The following MAP2 variants were observed in gnomAD, a reference collection of about 807,000 sequenced individuals.
MAP2 encodes the protein microtubule associated protein 2.
In MAP2, 14 loss-of-function variants were observed where a neutral mutation model predicts 137.6. That is an observed-to-expected ratio of 0.10 (90% CI 0.07 to 0.16). The LOEUF (loss-of-function observed/expected upper bound fraction) is 0.16, where lower values mean the gene tolerates loss of function less well. MAP2 is among the 10% of genes least tolerant of loss of function. The pLI is 1.00. For synonymous variants in MAP2, 786 were observed against 782.3 expected, an observed-to-expected ratio of 1.00 and a Z score of -0.08; for missense variants, 2,088 against 2,191.5, an observed-to-expected ratio of 0.95 and a Z score of 0.94.
At chr2:209,503,759 T>C (rs2060685728) in intron 1 of MAP2, among the ~76,000 whole-genome samples, 1 of 152,134 alleles carries the variant, frequency 6.6e-6, no homozygotes, top group Non-Finnish European at 1.5e-5. Flanking sequence ...AAATCTGACA[T>C]AGAATTGGAA....
chr2:209,457,248 G>A (rs1263733936), intron 1 of MAP2, among the ~76,000 whole-genome samples: 3 of 152,174 alleles, frequency 2.0e-5, no homozygotes, highest in Non-Finnish European at 4.4e-5. Flanking sequence ...ATGAGCTTTT[G>A]CATAGATATT....
rs151026595 is a variant in MAP2, at chr2:209,669,791, G to GCA, written c.263-8766_263-8765dup. ...AACATGTGCATACACACACACACAC[G>GCA]CACACACACACACACAAAATTGCTT... On this transcript the variant is annotated intron_variant, in intron 5 of 15. Transcript: ENST00000682079. 3.1e-3 allele frequency among the ~76,000 whole-genome samples: 457 copies of GCA among 149,378 alleles called. 6 individuals carry two copies. Among genetic ancestry groups the GCA allele is most frequent in the Middle Eastern group, 0.021 (6 of 292 alleles).
In MAP2 at chr2:209,693,092, C is replaced by G. The variant is rs1223927595; in HGVS notation, c.922C>G (p.Gln308Glu). Residue 308 changes from glutamine to glutamate, a missense_variant, in exon 8 of 16, where the codon CAG becomes GAG. By Grantham distance (29) the Gln-to-Glu change is conservative (BLOSUM62 2). Transcript: ENST00000682079. ...FDDIPKWEGK[Q>E]FDSPMPSPFQ... Reference sequence around the variant, plus strand: ...TGATATCCCAAAATGGGAAGGGAAACAGTTTGATTCTCCCATGCCAAGTCC... The same window carrying G: ...TGATATCCCAAAATGGGAAGGGAAAGAGTTTGATTCTCCCATGCCAAGTCC... 1 of 1,613,304 alleles carries G rather than the reference C, an allele frequency of 6.2e-7. No homozygotes were observed.
intron 11 of MAP2, among the ~76,000 whole-genome samples, chr2:209,702,742 A>G (rs552223649): frequency 2.4e-4 from 36 of 152,050 alleles, no homozygotes; most frequent in Admixed American, 7.2e-4. Context: ...TAGGATCAAT[A>G]AAAAAAGAAT....
At position 209,693,506 on chromosome 2, in the gene MAP2, G is replaced by A; in HGVS notation, c.1336G>A (p.Glu446Lys). 1.9e-6 allele frequency: 3 copies of A among 1,610,404 alleles called. No individual in the cohort carries two copies. The East Asian group carries it at 6.7e-5, about 36-fold the overall frequency. Residue 446 changes from glutamate to lysine, a missense_variant, in exon 8 of 16, where the codon GAA (glutamate) becomes AAA (lysine). Physicochemically the swap from Glu to Lys is moderately conservative, Grantham distance 56. Coordinates refer to ENST00000682079, the MANE Select transcript of MAP2 (RefSeq NM_001375505.1). The part of the protein sequence containing the change: ...TEKETELKLE[E>K]KTTISDKEAV... The stretch of plus-strand genomic sequence containing the variant: ...AAAGGAAACTGAGCTGAAGCTTGAA[G>A]AAAAAACCACCATTTCTGACAAAGA...
At chr2:209,615,316 C>A (rs562678706) in intron 3 of MAP2, among the ~76,000 whole-genome samples, 1 of 152,236 alleles carries the variant, frequency 6.6e-6, no homozygotes, top group East Asian at 1.9e-4. Context: ...TCTTTCTCTG[C>A]CACAATCCTT....
chr2:209,499,728 C>T (rs981614816), intron 1 of MAP2, among the ~76,000 whole-genome samples: 1 of 152,110 alleles, frequency 6.6e-6, no homozygotes, highest in Non-Finnish European at 1.5e-5. Context: ...GGAGCAGGCA[C>T]TTCACATGGT....
intron 2 of MAP2, among the ~76,000 whole-genome samples, chr2:209,550,422 G>T (rs144800869): frequency 3.9e-5 from 6 of 152,090 alleles, no homozygotes; most frequent in Middle Eastern, 3.4e-3. Context: ...TATATTATTA[G>T]GTCTAGTTTG....
In MAP2 at chr2:209,564,300, T is replaced by G. The variant is rs139249970; in HGVS notation, c.-171-15736T>G. Among the ~76,000 whole-genome samples, 184 of 152,296 alleles carry G rather than the reference T, an allele frequency of 1.2e-3. 1 individual carries two copies. The highest frequency in any genetic ancestry group is 4.2e-3 in the African/African-American group (175 of 41,578). On this transcript the variant is annotated intron_variant, in intron 2 of 15. Transcript: ENST00000682079. The stretch of plus-strand genomic sequence containing the variant: ...CATATAGATTGACCCCTGTACCTCA[T>G]TTTTGGAACTCCCTGTTGGTTTTGT...
chr2:209,523,127 G>A (rs1017279697), intron 2 of MAP2, among the ~76,000 whole-genome samples: 1 of 152,062 alleles, frequency 6.6e-6, no homozygotes, highest in African/African-American at 2.4e-5. Context: ...TCTGTTAGGA[G>A]TGAATGCTTA....
At chr2:209,572,303 G>T (rs1179618860) in intron 2 of MAP2, among the ~76,000 whole-genome samples, 1 of 152,016 alleles carries the variant, frequency 6.6e-6, no homozygotes, top group African/African-American at 2.4e-5. Context: ...TGTCAAAGAT[G>T]ACCACATGCA....
intron 2 of MAP2, among the ~76,000 whole-genome samples, chr2:209,531,858 C>T (rs1270450491): frequency 2.6e-5 from 4 of 152,104 alleles, no homozygotes; most frequent in African/African-American, 9.7e-5. Context: ...AGGGAAGGAT[C>T]TTATTGAGAA....
intron 3 of MAP2, among the ~76,000 whole-genome samples, chr2:209,615,462 T>A (rs1054787223): frequency 6.6e-6 from 1 of 152,234 alleles, no homozygotes; most frequent in African/African-American, 2.4e-5. Context: ...ATACCTAGTT[T>A]CTTCATGAGA....
intron 2 of MAP2, among the ~76,000 whole-genome samples, chr2:209,574,748 T>C (rs1179507763): frequency 2.0e-5 from 3 of 152,224 alleles, no homozygotes; most frequent in African/African-American, 7.2e-5. Flanking sequence ...TATATTTTTG[T>C]GTGGACCAAC....
intron 5 of MAP2, among the ~76,000 whole-genome samples, chr2:209,668,421 G>A (rs1169927791): frequency 6.6e-6 from 1 of 151,956 alleles, no homozygotes; most frequent in Admixed American, 6.6e-5. Context: ...AGGTGCATTT[G>A]AAATTATTAT....
chr2:209,518,497 G>A (rs767437888), intron 2 of MAP2, among the ~76,000 whole-genome samples: 1 of 152,092 alleles, frequency 6.6e-6, no homozygotes, highest in Non-Finnish European at 1.5e-5. Flanking sequence ...AGGGAATGAG[G>A]ACTCAGAAGT....
chr2:209,475,230 T>C (rs1706899326), intron 1 of MAP2, among the ~76,000 whole-genome samples: 1 of 152,124 alleles, frequency 6.6e-6, no homozygotes, highest in Non-Finnish European at 1.5e-5. Flanking sequence ...TCAGTGAATG[T>C]AAAACCATCT....
chr2:209,556,363 A>G (rs1229516941), intron 2 of MAP2, among the ~76,000 whole-genome samples: 1 of 152,034 alleles, frequency 6.6e-6, no homozygotes, highest in Admixed American at 6.5e-5. Flanking sequence ...CTTTCTTTTG[A>G]AGATTTGTGG....
rs2076110679 is a variant in MAP2 at position 209,733,901 on chromosome 2, G to A, written c.*3504G>A. The A allele has an allele frequency of 1.3e-5, 2 of 152,446 alleles. No homozygotes were observed. The highest frequency in any genetic ancestry group is 4.1e-4 in the South Asian group (2 of 4,822). 9.4% of individuals were successfully genotyped at this position (152,446 alleles called of 1,614,324 possible). On this transcript the variant is annotated 3_prime_UTR_variant, in exon 16 of 16. Transcript: ENST00000682079. ...AAAAAGAAAAAAAAATCAACAAAAA[G>A]TATACTCTGTATGCTGGGATTCCGA...
Sources: allele counts gnomAD v4.1 joint callset (sites outside exome capture counted in the v4.1 genomes callset), GRCh38; gene constraint gnomAD v4.1.1; transcripts MANE v1.5; gene names NCBI Gene and HGNC (gene_info 2026-07-23, HGNC 2026-07-21).